Variants in AFAP1 observed in about 807,000 individuals in gnomAD.
AFAP1 encodes actin filament associated protein 1, also known as actin filament-associated protein 1.
In AFAP1, 75 loss-of-function variants were observed where a neutral mutation model predicts 93.9. The ratio of observed to expected loss-of-function variants is 0.80; its 90% confidence interval spans 0.66 to 0.97. The LOEUF (loss-of-function observed/expected upper bound fraction) is 0.97, where lower values mean the gene tolerates loss of function less well. Ranked by LOEUF, AFAP1 falls within the 50% of genes least tolerant of loss-of-function variation. AFAP1 has a pLI of 0.00. For synonymous variants in AFAP1, 517 were observed against 430.7 expected, an observed-to-expected ratio of 1.20 and a Z score of -2.48; for missense variants, 1,201 against 1,050.8, an observed-to-expected ratio of 1.14 and a Z score of -1.98.
At chr4:7,788,404 G>A (rs1717517602) in intron 11 of AFAP1, among the ~76,000 whole-genome samples, 1 of 152,380 alleles carries the variant, frequency 6.6e-6, no homozygotes, top group African/African-American at 2.4e-5. Flanking sequence ...AGTGCGGGCC[G>A]CGGAAATGGC....
intron 6 of AFAP1, among the ~76,000 whole-genome samples, chr4:7,823,447 GT>G (rs138783303): frequency 6.6e-6 from 1 of 151,970 alleles, no homozygotes; most frequent in African/African-American, 2.4e-5. Context: ...TGTTTTGTGT[GT>G]TTTTTAAAGG....
intron 15 of AFAP1, chr4:7,773,225 G>A (rs924951762): frequency 4.1e-5 from 28 of 687,086 alleles, no homozygotes; most frequent in Admixed American, 6.4e-5. Context: ...TGAGGACTCG[G>A]ACCAGGAAAG....
intron 4 of AFAP1, among the ~76,000 whole-genome samples, chr4:7,846,323 G>GT (rs1210155256): frequency 6.6e-6 from 1 of 152,206 alleles, no homozygotes; most frequent in Non-Finnish European, 1.5e-5. Context: ...CAACAAGAGG[G>GT]TTTTTAAAAC....
At chr4:7,896,827 C>A (rs536740977) in intron 1 of AFAP1, among the ~76,000 whole-genome samples, 3 of 148,438 alleles carry the variant, frequency 2.0e-5, no homozygotes, top group Admixed American at 2.0e-4. Context: ...GTCCTCACTT[C>A]CCCCACACCC....
intron 1 of AFAP1, among the ~76,000 whole-genome samples, chr4:7,876,904 C>T (rs544651918): frequency 4.9e-4 from 74 of 152,310 alleles, no homozygotes; most frequent in Non-Finnish European, 8.4e-4. Context: ...TATTCACAGA[C>T]TAAATAAACC....
At chr4:7,924,606 A>G (rs1418245386) in intron 1 of AFAP1, among the ~76,000 whole-genome samples, 1 of 152,224 alleles carries the variant, frequency 6.6e-6, no homozygotes. Flanking sequence ...CAGTGTATCC[A>G]ATTTGTCATT....
intron 1 of AFAP1, among the ~76,000 whole-genome samples, chr4:7,931,686 G>T (rs537042346): frequency 6.6e-6 from 1 of 152,056 alleles, no homozygotes; most frequent in East Asian, 1.9e-4. Context: ...CCAGGACCAA[G>T]TGGTGTGTTC....
chr4:7,797,894 G>A (rs912204600), intron 10 of AFAP1, among the ~76,000 whole-genome samples: 3 of 152,064 alleles, frequency 2.0e-5, no homozygotes, highest in African/African-American at 7.2e-5. Context: ...AAAGGGGCAC[G>A]GGGGAGAGTA....
At chr4:7,768,351 C>T (rs958933240) in intron 17 of AFAP1, among the ~76,000 whole-genome samples, 5 of 152,242 alleles carry the variant, frequency 3.3e-5, no homozygotes, top group African/African-American at 4.8e-5. Context: ...CCGGAAGCTG[C>T]CCCAGGAGGG....
rs1718109916 is a variant in AFAP1 at position 7,793,698 on chromosome 4, T to G, written c.1395A>C (p.Thr465=). 2 of 1,551,488 alleles carry G rather than the reference T, an allele frequency of 1.3e-6. No individual in the cohort carries two copies. The highest frequency in any genetic ancestry group is 1.8e-6 in the Non-Finnish European group (2 of 1,134,036). The change falls in exon 11 of 18, where the codon ACA becomes ACC. Residue 465 remains threonine (T), a synonymous_variant. Coordinates refer to ENST00000420658, the MANE Select transcript of AFAP1 (RefSeq NM_001134647.2). ...GGTCTTACCAGAAGGTCTGTTTGGC[T>G]GTCTGAATGACACTTGCAGACATCT... ...DVEMSASVIQ[T]AKQTFCFMNR... is the part of the protein sequence containing the mutation.
At chr4:7,889,192 C>A (rs771712005) in intron 1 of AFAP1, among the ~76,000 whole-genome samples, 4 of 152,112 alleles carry the variant, frequency 2.6e-5, no homozygotes, top group Non-Finnish European at 5.9e-5. Flanking sequence ...TGGTTTAACA[C>A]TGGAAAATCA....
intron 1 of AFAP1, among the ~76,000 whole-genome samples, chr4:7,909,558 A>G (rs1719618263): frequency 6.6e-6 from 1 of 152,318 alleles, no homozygotes; most frequent in East Asian, 1.9e-4. Flanking sequence ...ACCGGCAAAT[A>G]TACTTCACGG....
chr4:7,936,577 C>G (rs1038900540), intron 1 of AFAP1, among the ~76,000 whole-genome samples: 14 of 142,920 alleles, frequency 9.8e-5, no homozygotes, highest in African/African-American at 3.3e-4. Context: ...TTTTTACAAG[C>G]GGTAATTTTT....
intron 1 of AFAP1, among the ~76,000 whole-genome samples, chr4:7,908,137 G>T (rs897805410): frequency 1.3e-5 from 2 of 150,814 alleles, no homozygotes; most frequent in South Asian, 2.1e-4. Flanking sequence ...GCTTGAACCT[G>T]GGGGGAGCAC....
intron 7 of AFAP1, among the ~76,000 whole-genome samples, chr4:7,816,632 G>A (rs938318174): frequency 2.6e-5 from 4 of 152,294 alleles, no homozygotes; most frequent in Middle Eastern, 3.4e-3. Flanking sequence ...CAGTCCTAAC[G>A]TCTGGATTTA....
intron 2 of AFAP1, among the ~76,000 whole-genome samples, chr4:7,869,697 C>T (rs1049658343): frequency 2.6e-5 from 4 of 152,088 alleles, no homozygotes; most frequent in Admixed American, 1.3e-4. Context: ...GACTTAACAA[C>T]GATCACCTAT....
At chr4:7,855,915 G>A (rs1368715379) in intron 3 of AFAP1, among the ~76,000 whole-genome samples, 1 of 152,154 alleles carries the variant, frequency 6.6e-6, no homozygotes, top group Non-Finnish European at 1.5e-5. Context: ...AGGGGTCTGA[G>A]ACAGTGTCTG....
Position 7,778,818 on chromosome 4 carries a change from A to G in AFAP1, c.1841T>C (p.Leu614Pro). 1.9e-6 allele frequency: 3 copies of G among 1,614,184 alleles called. No individual in the cohort carries two copies. The highest frequency in any genetic ancestry group is 1.1e-5 in the South Asian group (1 of 91,084). ...SNGVTGKGKTLSSQPKKADPA... is the reference protein window; with the variant it reads ...SNGVTGKGKTPSSQPKKADPA... ...ATCCGCTTTCTTTGGCTGACTGCTC[A>G]GAGTCTTCCCTTTTCCTGTGACCCC... Residue 614 changes from leucine to proline, a missense_variant, in exon 14 of 18, where the codon CTG becomes CCG. Transcript: ENST00000420658.
At chr4:7,778,961 TTCAGTC>T in intron 13 of AFAP1, 85 bp from the exon 14 acceptor site, 1 of 1,046,312 alleles carries the variant, frequency 9.6e-7, no homozygotes, top group South Asian at 1.5e-5. Context: ...AGTCATTTCT[TTCAGTC>T]TCTAAGTATT....
Sources: gnomAD v4.1 joint callset for allele counts (sites outside exome capture counted in the v4.1 genomes callset) on GRCh38, gnomAD v4.1.1 for gene constraint, MANE v1.5 for transcripts, NCBI Gene and HGNC (gene_info 2026-07-23, HGNC 2026-07-21) for gene names.